The following CCSER1 variants were observed in gnomAD, a reference collection of about 807,000 sequenced individuals.
CCSER1 encodes serine-rich coiled-coil domain-containing protein 1.
CCSER1 carries 41 observed loss-of-function variants against 82.0 expected under a neutral mutation model. That is an observed-to-expected ratio of 0.50 (90% CI 0.39 to 0.65). CCSER1 has a LOEUF of 0.65. CCSER1 is among the 30% of genes least tolerant of loss of function. The pLI is 0.00. For synonymous variants in CCSER1, 414 were observed against 383.9 expected, an observed-to-expected ratio of 1.08 and a Z score of -0.92; for missense variants, 1,119 against 1,064.2, an observed-to-expected ratio of 1.05 and a Z score of -0.72.
chr4:91,114,060 G>T (rs571422683), intron 10 of CCSER1, among the ~76,000 whole-genome samples: 12 of 152,210 alleles, frequency 7.9e-5, no homozygotes, highest in Admixed American at 4.6e-4. Flanking sequence ...CATCGTGTTA[G>T]CCAGGATGGT....
At chr4:90,142,062 A>G (rs1039581695) in intron 1 of CCSER1, among the ~76,000 whole-genome samples, 19 of 152,276 alleles carry the variant, frequency 1.2e-4, no homozygotes, top group Middle Eastern at 3.4e-3. Flanking sequence ...CTGGCTCTAA[A>G]TAGGTATTTT....
At chr4:90,635,820 CA>C in intron 6 of CCSER1, among the ~76,000 whole-genome samples, 1 of 151,756 alleles carries the variant, frequency 6.6e-6, no homozygotes, top group South Asian at 2.1e-4. Flanking sequence ...ATGTATATAG[CA>C]ATTACCCTGA....
chr4:90,280,761 A>G lies in CCSER1; in HGVS notation c.-41-27483A>G, dbSNP rs10017610. ...AAAAATTAGAATAAGAAAGCCCAGA[A>G]TGTGCTGACACTTGAGGAGGAGAAG... On this transcript the variant is annotated intron_variant, in intron 1 of 10. Coordinates refer to ENST00000509176, the MANE Select transcript of CCSER1 (RefSeq NM_001145065.2). Among the ~76,000 whole-genome samples the G allele has an allele frequency of 6.5e-3, 970 of 148,846 alleles. 9 individuals carry two copies. The highest frequency in any genetic ancestry group is 0.024 in the African/African-American group (941 of 39,764).
chr4:91,083,075 T>C (rs1425349343), intron 9 of CCSER1, among the ~76,000 whole-genome samples: 1 of 152,098 alleles, frequency 6.6e-6, no homozygotes, highest in Non-Finnish European at 1.5e-5. Context: ...ATACTCAAAA[T>C]ATTATAAATC....
intron 10 of CCSER1, among the ~76,000 whole-genome samples, chr4:91,115,963 G>A (rs554208696): frequency 2.0e-5 from 3 of 150,816 alleles, no homozygotes; most frequent in South Asian, 4.2e-4. Flanking sequence ...CCATTAACTT[G>A]TCATTTACAT....
chr4:90,553,611 C>A (rs1777778051), intron 5 of CCSER1, among the ~76,000 whole-genome samples: 1 of 152,146 alleles, frequency 6.6e-6, no homozygotes, highest in Non-Finnish European at 1.5e-5. Flanking sequence ...TATTTACTAA[C>A]TTTACCAGGT....
intron 10 of CCSER1, among the ~76,000 whole-genome samples, chr4:91,566,191 T>C (rs995360294): frequency 6.6e-6 from 1 of 152,138 alleles, no homozygotes; most frequent in Non-Finnish European, 1.5e-5. Flanking sequence ...ATGAATCACA[T>C]TTATTGATTT....
At chr4:90,425,642 C>G (rs181531593) in intron 4 of CCSER1, among the ~76,000 whole-genome samples, 95 of 152,308 alleles carry the variant, frequency 6.2e-4, no homozygotes, top group African/African-American at 2.1e-3. Flanking sequence ...AGTTTGACCT[C>G]TTATCATCCA....
intron 10 of CCSER1, among the ~76,000 whole-genome samples, chr4:91,194,499 A>G (rs1263598223): frequency 2.0e-5 from 3 of 152,198 alleles, no homozygotes; most frequent in Admixed American, 6.5e-5. Context: ...AACATTCATA[A>G]AAGTTTTCAT....
intron 9 of CCSER1, among the ~76,000 whole-genome samples, chr4:91,066,350 G>T (rs1354509213): frequency 6.6e-6 from 1 of 152,142 alleles, no homozygotes; most frequent in Admixed American, 6.5e-5. Flanking sequence ...CACAGTTAGC[G>T]ACAGAGGAGA....
At chr4:91,199,401 G>T (rs1380712330) in intron 10 of CCSER1, among the ~76,000 whole-genome samples, 1 of 152,078 alleles carries the variant, frequency 6.6e-6, no homozygotes, top group Non-Finnish European at 1.5e-5. Context: ...ATCTAATGTA[G>T]ATGACTATAT....
At chr4:91,513,377 A>G (rs1302379930) in intron 10 of CCSER1, among the ~76,000 whole-genome samples, 1 of 152,124 alleles carries the variant, frequency 6.6e-6, no homozygotes, top group Non-Finnish European at 1.5e-5. Context: ...TATATTGTTG[A>G]GAATTTTTAC....
chr4:90,969,487 G>T (rs1257459901), intron 9 of CCSER1, among the ~76,000 whole-genome samples: 1 of 151,912 alleles, frequency 6.6e-6, no homozygotes, highest in Non-Finnish European at 1.5e-5. Flanking sequence ...GTCTAGGAGA[G>T]TGAGATAATA....
intron 3 of CCSER1, among the ~76,000 whole-genome samples, chr4:90,361,183 A>G (rs1420836327): frequency 6.6e-6 from 1 of 152,194 alleles, no homozygotes; most frequent in African/African-American, 2.4e-5. Flanking sequence ...GATGGTTTCT[A>G]TAGTAGTAGA....
chr4:91,377,421 G>C (rs1310900497), intron 10 of CCSER1, among the ~76,000 whole-genome samples: 1 of 152,098 alleles, frequency 6.6e-6, no homozygotes, highest in Non-Finnish European at 1.5e-5. Context: ...GTTGTTTCCT[G>C]ACTTTTTAAT....
chr4:90,355,872 T>C (rs748138029), intron 3 of CCSER1, among the ~76,000 whole-genome samples: 2 of 151,960 alleles, frequency 1.3e-5, no homozygotes, highest in African/African-American at 4.8e-5. Context: ...AGGGATATTG[T>C]AAATTATTGT....
intron 10 of CCSER1, among the ~76,000 whole-genome samples, chr4:91,086,809 C>T (rs1723441495): frequency 6.6e-6 from 1 of 151,950 alleles, no homozygotes; most frequent in African/African-American, 2.4e-5. Context: ...ATTCCAGTTG[C>T]ATGATTTTAG....
intron 10 of CCSER1, among the ~76,000 whole-genome samples, chr4:91,585,835 C>A (rs574357444): frequency 6.6e-6 from 1 of 151,708 alleles, no homozygotes; most frequent in East Asian, 1.9e-4. Context: ...GGAGCTAGAT[C>A]ATTCAGAGTG....
At chr4:90,554,163 C>T (rs567370010) in intron 5 of CCSER1, among the ~76,000 whole-genome samples, 8 of 152,198 alleles carry the variant, frequency 5.3e-5, no homozygotes, top group African/African-American at 1.9e-4. Flanking sequence ...AGTTTGAGAC[C>T]AGCCTGGGCA....
Sources: gnomAD v4.1 joint callset for allele counts (sites outside exome capture counted in the v4.1 genomes callset) on GRCh38, gnomAD v4.1.1 for gene constraint, MANE v1.5 for transcripts, NCBI Gene and HGNC (gene_info 2026-07-23, HGNC 2026-07-21) for gene names.